Variants in STAU2 observed in about 807,000 individuals in gnomAD.
STAU2 encodes the protein staufen double-stranded RNA binding protein 2.
Under a neutral mutation model 65.9 loss-of-function variants are expected in STAU2, and 20 were observed. The observed-to-expected ratio is 0.30, with a 90% CI of 0.21 to 0.44. STAU2 has a LOEUF of 0.44. STAU2 is among the 20% of genes least tolerant of loss of function. The probability of loss-of-function intolerance (pLI) is 1.00; values close to 1 mark genes in which losing one functional copy is unlikely to be tolerated. For missense variants in STAU2, 558 were observed against 683.9 expected (o/e 0.82, Z 2.05); for synonymous variants, 232 against 233.9 (o/e 0.99, Z 0.07).
chr8:73,622,049 C>T (rs1481455271), intron 6 of STAU2, among the ~76,000 whole-genome samples: 11 of 149,970 alleles, frequency 7.3e-5, no homozygotes, highest in Non-Finnish European at 1.0e-4. Flanking sequence ...CTCCGCCTCC[C>T]GGGTTCTCGC....
intron 12 of STAU2, among the ~76,000 whole-genome samples, chr8:73,553,855 G>A (rs1047311228): frequency 6.6e-6 from 1 of 151,716 alleles, no homozygotes; most frequent in Non-Finnish European, 1.5e-5. Flanking sequence ...AGACCTCAGT[G>A]GGAATGTTTG....
chr8:73,516,492 G>C (rs1822735298), intron 13 of STAU2, among the ~76,000 whole-genome samples: 1 of 151,548 alleles, frequency 6.6e-6, no homozygotes, highest in South Asian at 2.1e-4. Flanking sequence ...TTAACTAAAG[G>C]GTATTTAAAA....
rs138374035 is a variant in STAU2, at chr8:73,482,599, C to T, written c.1531-59897G>A. Among the ~76,000 whole-genome samples, 110 of 152,150 alleles carry T rather than the reference C, an allele frequency of 7.2e-4. 1 individual carries two copies. In the Middle Eastern group the frequency reaches 0.01, roughly 14 times the overall value. The stretch of plus-strand genomic sequence containing the variant: ...TCTGCCCTGCATTTAACATAGACCA[C>T]TTATTTGTGTTAAAATGTATTTAAG... On this transcript the variant is annotated intron_variant, in intron 13 of 14. Transcript: ENST00000524300.
chr8:73,641,864 C>T (rs1815002126), intron 6 of STAU2, among the ~76,000 whole-genome samples: 1 of 152,158 alleles, frequency 6.6e-6, no homozygotes, highest in African/African-American at 2.4e-5. Context: ...TTCTGTGAGA[C>T]TAATTCTAAG....
rs1208653922 is a variant in STAU2, at chr8:73,599,346, G to A, written c.1030-4049C>T. Among the ~76,000 whole-genome samples the A allele has an allele frequency of 2.6e-5, 4 of 152,236 alleles. No homozygotes were observed. The East Asian group carries it at 5.8e-4, about 22-fold the overall frequency. ...AAGGAAAGTCACAACACAAGAGGAG[G>A]TATTTAAAATGCCATATAACTGCAA... On this transcript the variant is annotated intron_variant, in intron 10 of 14. Transcript: ENST00000524300.
chr8:73,711,485 T>C (rs967072114), intron 3 of STAU2, among the ~76,000 whole-genome samples: 2 of 152,168 alleles, frequency 1.3e-5, no homozygotes, highest in Admixed American at 1.3e-4. Flanking sequence ...AAATAGCATT[T>C]ATACCACCAC....
At chr8:73,460,613 T>C (rs1030650977) in intron 13 of STAU2, among the ~76,000 whole-genome samples, 2 of 152,200 alleles carry the variant, frequency 1.3e-5, no homozygotes, top group South Asian at 2.1e-4. Flanking sequence ...CTCTGAGTAC[T>C]CTTAGATCCA....
At chr8:73,516,873 C>G (rs1450577118) in intron 13 of STAU2, among the ~76,000 whole-genome samples, 2 of 152,248 alleles carry the variant, frequency 1.3e-5, no homozygotes, top group East Asian at 3.9e-4. Context: ...TCTATATAGG[C>G]AACAGTTTTC....
chr8:73,717,760 G>A (rs188096017), intron 3 of STAU2, among the ~76,000 whole-genome samples: 100 of 151,818 alleles, frequency 6.6e-4, no homozygotes, highest in Middle Eastern at 3.4e-3. Flanking sequence ...CGATTCTGCC[G>A]CCTATTTACC....
At chr8:73,520,574 A>T (rs1162103780) in intron 13 of STAU2, among the ~76,000 whole-genome samples, 4 of 152,196 alleles carry the variant, frequency 2.6e-5, no homozygotes, top group African/African-American at 9.6e-5. Context: ...TCCTGCCAGC[A>T]ACTGGTGTAG....
chr8:73,540,410 A>T (rs1449929661), intron 13 of STAU2, among the ~76,000 whole-genome samples: 1 of 152,198 alleles, frequency 6.6e-6, no homozygotes, highest in African/African-American at 2.4e-5. Flanking sequence ...TCTAGAAGGA[A>T]CCAACCCTGC....
intron 13 of STAU2, among the ~76,000 whole-genome samples, chr8:73,514,649 T>C (rs1822606849): frequency 6.6e-6 from 1 of 152,220 alleles, no homozygotes; most frequent in Non-Finnish European, 1.5e-5. Flanking sequence ...AATTCTTCTG[T>C]TGTTGATCAT....
At chr8:73,469,424 T>C (rs1329912943) in intron 13 of STAU2, among the ~76,000 whole-genome samples, 1 of 151,054 alleles carries the variant, frequency 6.6e-6, no homozygotes, top group African/African-American at 2.4e-5. Flanking sequence ...CTGCACGTTG[T>C]GCACCTGTAC....
intron 6 of STAU2, among the ~76,000 whole-genome samples, chr8:73,621,896 T>C (rs1258829747): frequency 3.3e-5 from 5 of 151,344 alleles, no homozygotes; most frequent in Admixed American, 3.3e-4. Flanking sequence ...TGCTTCAGAG[T>C]CCATTCAAGG....
At chr8:73,646,938 GACAC>G (rs142043134) in intron 6 of STAU2, among the ~76,000 whole-genome samples, 2,246 of 144,042 alleles carry the variant, frequency 0.016, 45 homozygotes, top group African/African-American at 0.051. Context: ...CACACAGCCA[GACAC>G]ACACACACAC....
intron 6 of STAU2, among the ~76,000 whole-genome samples, chr8:73,626,104 G>C (rs868206253): frequency 9.9e-5 from 13 of 131,512 alleles, no homozygotes; most frequent in African/African-American, 2.2e-4. Flanking sequence ...CACACACACA[G>C]ACACATACAC....
intron 13 of STAU2, among the ~76,000 whole-genome samples, chr8:73,525,729 C>T (rs1823322208): frequency 6.6e-6 from 1 of 152,180 alleles, no homozygotes; most frequent in African/African-American, 2.4e-5. Flanking sequence ...TTTGCTCAGC[C>T]TTAGAAGAGA....
At chr8:73,601,456 A>T (rs777342938) in intron 10 of STAU2, among the ~76,000 whole-genome samples, 1 of 152,196 alleles carries the variant, frequency 6.6e-6, no homozygotes, top group African/African-American at 2.4e-5. Context: ...AGTAATCAAC[A>T]TAAGTAACTG....
intron 13 of STAU2, among the ~76,000 whole-genome samples, chr8:73,424,249 G>A (rs955438376): frequency 4.5e-5 from 6 of 133,858 alleles, no homozygotes; most frequent in African/African-American, 1.7e-4. Context: ...CGCCCAGGCT[G>A]GAGTGCAGTG....
Sources: allele counts gnomAD v4.1 joint callset (sites outside exome capture counted in the v4.1 genomes callset), GRCh38; gene constraint gnomAD v4.1.1; transcripts MANE v1.5; gene names NCBI Gene and HGNC (gene_info 2026-07-23, HGNC 2026-07-21).